CUEDC1: variants seen among roughly 807,000 people sequenced by gnomAD.
The protein encoded by CUEDC1 is CUE domain-containing protein 1.
Under a neutral mutation model 43.7 loss-of-function variants are expected in CUEDC1, and 30 were observed. That is an observed-to-expected ratio of 0.69 (90% CI 0.51 to 0.93). The LOEUF (loss-of-function observed/expected upper bound fraction) is 0.93. Among genes scored for constraint, CUEDC1 ranks in the 40% least tolerant of loss-of-function variants. The pLI, the probability that CUEDC1 is intolerant of heterozygous loss-of-function variation, is 0.00. For missense variants in CUEDC1, 486 were observed against 549.0 expected, an observed-to-expected ratio of 0.89 and a Z score of 1.15; for synonymous variants, 223 against 223.6, an observed-to-expected ratio of 1.00 and a Z score of 0.02.
intron 1 of CUEDC1, among the ~76,000 whole-genome samples, chr17:57,946,406 A>C (rs2120195): frequency 0.57 from 85,986 of 152,014 alleles, 28,058 homozygotes; most frequent in East Asian, 0.97. Flanking sequence ...AAAACTGCTG[A>C]TTTTCTAGGG....
At position 57,884,663 on chromosome 17, in the gene CUEDC1, C is replaced by T. The variant is rs1331303455; in HGVS notation, c.336+566G>A. Among the ~76,000 whole-genome samples the T allele has an allele frequency of 2.6e-5, 4 of 152,316 alleles. No individual in the cohort carries two copies. In the South Asian group the frequency reaches 6.2e-4, roughly 24 times the overall value. Reference sequence around the variant, plus strand: ...TCCCTTTGCCTGCACACCCTTCCCCCGGCTTCACTCTTCCTTTGGGTCTCA... The same window carrying T: ...TCCCTTTGCCTGCACACCCTTCCCCTGGCTTCACTCTTCCTTTGGGTCTCA... On this transcript the variant is annotated intron_variant, in intron 2 of 10. Coordinates refer to ENST00000577830, the MANE Select transcript of CUEDC1 (RefSeq NM_001271875.2).
chr17:57,942,855 C>T (rs1432950472), intron 1 of CUEDC1, among the ~76,000 whole-genome samples: 2 of 151,792 alleles, frequency 1.3e-5, no homozygotes, highest in African/African-American at 2.4e-5. Flanking sequence ...GGTGAAACCC[C>T]GTCTCTACTA....
intron 3 of CUEDC1, among the ~76,000 whole-genome samples, chr17:57,874,184 G>A (rs529752669): frequency 2.0e-5 from 3 of 152,304 alleles, no homozygotes; most frequent in African/African-American, 7.2e-5. Context: ...CTGAGGAAGG[G>A]GCATATGGGG....
chr17:57,934,059 C>G (rs191040772), intron 1 of CUEDC1, among the ~76,000 whole-genome samples: 1 of 152,032 alleles, frequency 6.6e-6, no homozygotes, highest in African/African-American at 2.4e-5. Context: ...AGTTTGAGAC[C>G]AGCCTGGGCT....
intron 1 of CUEDC1, among the ~76,000 whole-genome samples, chr17:57,919,272 C>T (rs993248222): frequency 7.9e-5 from 12 of 152,100 alleles, no homozygotes; most frequent in Admixed American, 4.6e-4. Context: ...CTCCGCCTCC[C>T]GGGTTCGAGC....
rs2073903706 is a variant in CUEDC1, at chr17:57,863,039, C to T, written c.*250G>A. The T allele has an allele frequency of 6.8e-6, 1 of 146,230 alleles. No individual in the cohort carries two copies. Among genetic ancestry groups the T allele is most frequent in the Non-Finnish European group, 1.5e-5 (1 of 66,028 alleles). The allele number at this position is 146,230 out of a possible 1,614,324, so 9.1% of individuals were successfully genotyped here. On this transcript the variant is annotated 3_prime_UTR_variant, in exon 11 of 11. Transcript: ENST00000577830. ...TAGGAACGCCTGGCTACAAAAGGGG[C>T]TGTAATTGGCTGCTGCCTATAGGGG...
intron 1 of CUEDC1, among the ~76,000 whole-genome samples, chr17:57,908,924 G>A (rs1296553125): frequency 6.6e-6 from 1 of 152,044 alleles, no homozygotes; most frequent in Non-Finnish European, 1.5e-5. Context: ...TTGAACCCAG[G>A]AGGCAGAGGT....
chr17:57,877,368 C>T (rs964577933), intron 3 of CUEDC1, among the ~76,000 whole-genome samples: 12 of 152,078 alleles, frequency 7.9e-5, no homozygotes, highest in African/African-American at 2.7e-4. Flanking sequence ...TGACGGTATG[C>T]CCTGTAGTCC....
At chr17:57,904,942 G>A (rs1169307199) in intron 1 of CUEDC1, among the ~76,000 whole-genome samples, 1 of 152,168 alleles carries the variant, frequency 6.6e-6, no homozygotes, top group African/African-American at 2.4e-5. Flanking sequence ...AAGGGCTTTC[G>A]GGGACAGGAA....
At chr17:57,905,320 G>A (rs1301116990) in intron 1 of CUEDC1, among the ~76,000 whole-genome samples, 3 of 144,394 alleles carry the variant, frequency 2.1e-5, no homozygotes, top group African/African-American at 7.7e-5. Context: ...TCTCCACCCA[G>A]CTCTAAGTCA....
At chr17:57,885,909 G>T in intron 1 of CUEDC1, 30 bp from the exon 2 acceptor site, 1 of 203,118 alleles carries the variant, frequency 4.9e-6, no homozygotes, top group Non-Finnish European at 9.8e-6. Context: ...AGTCAGGGCC[G>T]AGGCTAACAA....
chr17:57,942,973 AGCCGAGATCGC>A (rs1158472543), intron 1 of CUEDC1, among the ~76,000 whole-genome samples: 1 of 152,118 alleles, frequency 6.6e-6, no homozygotes, highest in Non-Finnish European at 1.5e-5. Context: ...GCTTGCAGTG[AGCCGAGATCGC>A]GCCACTGCAC....
At chr17:57,932,087 C>T (rs1265774814) in intron 1 of CUEDC1, among the ~76,000 whole-genome samples, 1 of 149,436 alleles carries the variant, frequency 6.7e-6, no homozygotes, top group Non-Finnish European at 1.5e-5. Context: ...GCCTGGCCAA[C>T]ACGGTGAAAT....
chr17:57,882,396 C>T (rs994437305), intron 2 of CUEDC1, among the ~76,000 whole-genome samples: 9 of 152,094 alleles, frequency 5.9e-5, no homozygotes, highest in Non-Finnish European at 8.8e-5. Flanking sequence ...AGTGCACACA[C>T]AGCAAGGGCC....
chr17:57,894,931 A>C (rs1157268736), intron 1 of CUEDC1, among the ~76,000 whole-genome samples: 1 of 152,214 alleles, frequency 6.6e-6, no homozygotes, highest in Non-Finnish European at 1.5e-5. Flanking sequence ...CACCATCAAG[A>C]AGCCAATTCT....
intron 1 of CUEDC1, among the ~76,000 whole-genome samples, chr17:57,911,223 G>A (rs1050222616): frequency 5.9e-5 from 9 of 152,194 alleles, no homozygotes; most frequent in East Asian, 1.9e-4. Flanking sequence ...GTTGTTAGGC[G>A]ATGCTGGCAC....
intron 1 of CUEDC1, among the ~76,000 whole-genome samples, chr17:57,941,275 T>C (rs2074914891): frequency 6.6e-6 from 1 of 152,160 alleles, no homozygotes; most frequent in African/African-American, 2.4e-5. Flanking sequence ...TCTCCCCCTA[T>C]CCCACATAGC....
At chr17:57,898,634 T>C (rs923027137) in intron 1 of CUEDC1, among the ~76,000 whole-genome samples, 1 of 152,188 alleles carries the variant, frequency 6.6e-6, no homozygotes, top group African/African-American at 2.4e-5. Flanking sequence ...TAAGACTCTA[T>C]GAGCACGGGC....
chr17:57,945,407 T>A (rs1339007220), intron 1 of CUEDC1, among the ~76,000 whole-genome samples: 1 of 152,258 alleles, frequency 6.6e-6, no homozygotes, highest in East Asian at 1.9e-4. Context: ...AAAGTCTAAC[T>A]ATATCTAATA....
Sources: gnomAD v4.1 joint callset for allele counts (sites outside exome capture counted in the v4.1 genomes callset) on GRCh38, gnomAD v4.1.1 for gene constraint, MANE v1.5 for transcripts, NCBI Gene and HGNC (gene_info 2026-07-23, HGNC 2026-07-21) for gene names.